The following PLXNA4 variants were observed in gnomAD, a reference collection of about 807,000 sequenced individuals.
PLXNA4 encodes plexin A4.
PLXNA4 carries 44 observed loss-of-function variants against 191.8 expected under a neutral mutation model. The observed-to-expected ratio is 0.23, with a 90% confidence interval of 0.18 to 0.29. The LOEUF is 0.29. PLXNA4 is among the 10% of genes least tolerant of loss of function. The pLI is 1.00. For missense variants in PLXNA4, 1,800 were observed against 2,488.8 expected, an observed-to-expected ratio of 0.72 and a Z score of 5.89; for synonymous variants, 1,082 against 1,009.5, an observed-to-expected ratio of 1.07 and a Z score of -1.36.
chr7:132,507,355 C>T lies in PLXNA4; in HGVS notation c.1188+151G>A, dbSNP rs1414761936. ...CATAGTTGCAGAATATTTGGTGACA[C>T]TCTGGGTCCAATGAGACTCAGAGAT... On this transcript the variant is annotated intron_variant, in intron 2 of 31. Coordinates refer to ENST00000321063, the MANE Select transcript of PLXNA4 (RefSeq NM_020911.2). The T allele has an allele frequency of 1.2e-5, 10 of 857,368 alleles. No homozygotes were observed. The East Asian group carries it at 2.7e-4, about 23-fold the overall frequency. The allele number at this position is 857,368 out of a possible 1,614,324, so 53.1% of individuals were successfully genotyped here.
chr7:132,450,663 T>C (rs1318294639), intron 3 of PLXNA4, among the ~76,000 whole-genome samples: 11 of 152,168 alleles, frequency 7.2e-5, no homozygotes, highest in Admixed American at 7.2e-4. Flanking sequence ...ACTCCAGAAT[T>C]CTTGGAGCAG....
rs559609912 is a variant in PLXNA4, at chr7:132,336,091, G to C, written c.1372-37869C>G. 8.5e-5 allele frequency among the ~76,000 whole-genome samples: 13 copies of C among 152,302 alleles called. No individual in the cohort carries two copies. In the South Asian group the frequency reaches 2.7e-3, roughly 32 times the overall value. On this transcript the variant is annotated intron_variant, in intron 3 of 31. Transcript: ENST00000321063. ...TCATCTGCTTGCCCTACCATGGATG[G>C]CAAGATTCAAGGCCCCAGCTGAGAA...
intron 3 of PLXNA4, among the ~76,000 whole-genome samples, chr7:132,376,164 T>C (rs544179838): frequency 6.6e-6 from 1 of 152,298 alleles, no homozygotes; most frequent in South Asian, 2.1e-4. Flanking sequence ...TGTGGAGAGC[T>C]TTGGCGATGT....
intron 1 of PLXNA4, among the ~76,000 whole-genome samples, chr7:132,511,759 A>C (rs1798723615): frequency 6.6e-6 from 1 of 152,324 alleles, no homozygotes; most frequent in African/African-American, 2.4e-5. Flanking sequence ...TGAGTGATGA[A>C]GAGTCAAGAT....
chr7:132,614,655 G>C (rs541216224), intron 2 of PLXNA4, among the ~76,000 whole-genome samples: 4 of 152,236 alleles, frequency 2.6e-5, no homozygotes, highest in African/African-American at 7.2e-5. Context: ...TGTGTGCAGC[G>C]CTCTGATGCC....
At chr7:132,365,346 T>C (rs1804114379) in intron 3 of PLXNA4, among the ~76,000 whole-genome samples, 1 of 111,370 alleles carries the variant, frequency 9.0e-6, no homozygotes. Context: ...TGTGTGTGTG[T>C]GTGTGTGTGT....
chr7:132,412,969 G>A (rs2117102390), intron 3 of PLXNA4, among the ~76,000 whole-genome samples: 1 of 152,244 alleles, frequency 6.6e-6, no homozygotes, highest in South Asian at 2.1e-4. Flanking sequence ...AGGGATTAGT[G>A]ACTAGGAAAC....
At chr7:132,547,241 G>A (rs769148454) in intron 1 of PLXNA4, among the ~76,000 whole-genome samples, 49 of 152,134 alleles carry the variant, frequency 3.2e-4, no homozygotes, top group Non-Finnish European at 6.6e-4. Flanking sequence ...CTGTAAGGAA[G>A]GCATCATCAC....
At chr7:132,312,004 AC>A (rs1801761197) in intron 3 of PLXNA4, among the ~76,000 whole-genome samples, 1 of 151,854 alleles carries the variant, frequency 6.6e-6, no homozygotes, top group African/African-American at 2.4e-5. Context: ...GCTTTTGACC[AC>A]CCTCATCCCA....
intron 2 of PLXNA4, among the ~76,000 whole-genome samples, chr7:132,636,372 C>T (rs1423440429): frequency 6.6e-6 from 1 of 152,200 alleles, no homozygotes; most frequent in African/African-American, 2.4e-5. Flanking sequence ...GACTTCTAGC[C>T]ACATGGGTTG....
intron 14 of PLXNA4, 42 bp from the exon 15 acceptor site, chr7:132,187,649 G>T (rs774972159): frequency 4.3e-5 from 67 of 1,573,736 alleles, no homozygotes; most frequent in Non-Finnish European, 5.5e-5. Context: ...CCAGGAAGGG[G>T]TGGAGGAGGC....
chr7:132,364,768 T>C (rs1427530915), intron 3 of PLXNA4, among the ~76,000 whole-genome samples: 1 of 152,230 alleles, frequency 6.6e-6, no homozygotes. Context: ...TTGAGCTAAG[T>C]GGGCTCTAGG....
intron 3 of PLXNA4, among the ~76,000 whole-genome samples, chr7:132,317,083 T>C (rs1224670473): frequency 6.6e-6 from 1 of 152,142 alleles, no homozygotes; most frequent in Admixed American, 6.5e-5. Context: ...TTGGATTGGA[T>C]TGTGTTGTGT....
intron 1 of PLXNA4, among the ~76,000 whole-genome samples, chr7:132,540,473 C>T (rs1800023624): frequency 6.6e-6 from 1 of 151,684 alleles, no homozygotes; most frequent in Non-Finnish European, 1.5e-5. Context: ...AAACATTTTC[C>T]AACACGGTGT....
In PLXNA4 at chr7:132,540,569, CTTTT is replaced by C. The variant is rs71915138; in HGVS notation, c.-86-31794_-86-31791del. Among the ~76,000 whole-genome samples, 444 of 60,916 alleles carry C rather than the reference CTTTT, an allele frequency of 7.3e-3. 3 individuals carry two copies. Among genetic ancestry groups the C allele is most frequent in the African/African-American group, 0.03 (424 of 13,930 alleles). 40.0% of individuals were successfully genotyped at this position (60,916 alleles called of 152,430 possible). A position where few individuals can be genotyped will look rare whatever the true frequency, so the allele number is the denominator to read the frequency against. ...AGCAGAAGGTGTAGTGTGGACCGTT[CTTTT>C]TTTTTTTTTTTTTTTTTTTTTTTTT... is the stretch of plus-strand genomic sequence containing the variant. On this transcript the variant is annotated intron_variant, in intron 1 of 31. Coordinates refer to ENST00000321063, the MANE Select transcript of PLXNA4 (RefSeq NM_020911.2).
chr7:132,289,102 A>C (rs529077758), intron 4 of PLXNA4, among the ~76,000 whole-genome samples: 1 of 152,298 alleles, frequency 6.6e-6, no homozygotes, highest in Admixed American at 6.5e-5. Context: ...CATGGTAAAA[A>C]ACAATCACGA....
intron 1 of PLXNA4, among the ~76,000 whole-genome samples, chr7:132,562,457 T>G (rs1801237189): frequency 5.3e-5 from 2 of 37,662 alleles, no homozygotes; most frequent in East Asian, 2.2e-3. Flanking sequence ...CTCCTCCTTC[T>G]CCTCCTCCTC....
At chr7:132,154,429 T>A (rs1434845462) in intron 25 of PLXNA4, among the ~76,000 whole-genome samples, 3 of 127,472 alleles carry the variant, frequency 2.4e-5, no homozygotes, top group East Asian at 2.4e-4. Flanking sequence ...TTTTTTTTTT[T>A]AATTATTGTG....
chr7:132,490,322 C>T (rs1043123860), intron 2 of PLXNA4, among the ~76,000 whole-genome samples: 6 of 151,914 alleles, frequency 3.9e-5, no homozygotes, highest in African/African-American at 1.2e-4. Context: ...AGATTCATAA[C>T]GATTAGTTAC....
Sources: gnomAD v4.1 joint callset for allele counts (sites outside exome capture counted in the v4.1 genomes callset) on GRCh38, gnomAD v4.1.1 for gene constraint, MANE v1.5 for transcripts, NCBI Gene and HGNC (gene_info 2026-07-23, HGNC 2026-07-21) for gene names.